The following TMIE variants were observed in gnomAD, a reference collection of about 807,000 sequenced individuals.
TMIE encodes transmembrane inner ear.
TMIE carries 14 observed loss-of-function variants against 16.8 expected under a neutral mutation model. The observed-to-expected ratio is 0.83, with a 90% CI of 0.55 to 1.30. The LOEUF (loss-of-function observed/expected upper bound fraction) is 1.30, where lower values mean the gene tolerates loss of function less well. TMIE is among the 50% of genes most tolerant of loss of function. The pLI is 0.00. For missense variants in TMIE, 204 were observed against 205.9 expected (o/e 0.99, Z 0.06); for synonymous variants, 75 against 87.2 (o/e 0.86, Z 0.78).
intron 3 of TMIE, 104 bp downstream of exon 3, chr3:46,709,379 G>A (rs763659531): frequency 1.2e-6 from 2 of 1,603,954 alleles, no homozygotes; most frequent in South Asian, 1.1e-5. Context: ...GTTCAGGGAG[G>A]GGCCCCAGCC....
At chr3:46,694,650 T>TC (rs1700358591) in intron 1 of TMIE, 1 of 152,244 alleles carries the variant, frequency 6.6e-6, no homozygotes, top group African/African-American at 2.4e-5. Context: ...GCCAAGCTCA[T>TC]CCCCTGGCTC....
chr3:46,696,844 G>T (rs1454236331), upstream of TMIE, among the ~76,000 whole-genome samples: 1 of 152,182 alleles, frequency 6.6e-6, no homozygotes, highest in Non-Finnish European at 1.5e-5. Flanking sequence ...ATGTATGGAG[G>T]GGACACTGTC....
rs1266269754 is a variant in TMIE, at chr3:46,701,692, T to C, written c.93+112T>C. The C allele has an allele frequency of 2.3e-6, 2 of 886,766 alleles. No homozygotes were observed. The highest frequency in any genetic ancestry group is 1.5e-6 in the Non-Finnish European group (1 of 670,000). The allele number at this position is 886,766 out of a possible 1,614,324, so 54.9% of individuals were successfully genotyped here. On this transcript the variant is annotated intron_variant, in intron 1 of 3. Transcript: ENST00000643606. The surrounding 1 kb of genome is among the most constrained non-coding windows in gnomAD (Gnocchi z 4.3). ...CTTGTTTGATCCCTTACTCTTGCCC[T>C]GAGAGATCCAGTCTCCCGGGCGATG...
rs1199091732 is a variant in TMIE at position 46,701,831 on chromosome 3, G to A, written c.93+251G>A. 6.6e-6 allele frequency among the ~76,000 whole-genome samples: 1 copy of A among 152,118 alleles called. No individual in the cohort carries two copies. Among genetic ancestry groups the A allele is most frequent in the East Asian group, 1.9e-4 (1 of 5,182 alleles). ...TTTCTGGAACATTAGTCTGACGGGG[G>A]AGACTCACCTTGACCTTAGGGATTC... On this transcript the variant is annotated intron_variant, in intron 1 of 3. Coordinates refer to ENST00000643606, the MANE Select transcript of TMIE (RefSeq NM_147196.3). The surrounding 1 kb of genome is among the most constrained non-coding windows in gnomAD (Gnocchi z 4.3).
At chr3:46,703,687 A>C (rs1001380427) in intron 1 of TMIE, among the ~76,000 whole-genome samples, 1 of 152,194 alleles carries the variant, frequency 6.6e-6, no homozygotes, top group African/African-American at 2.4e-5. Flanking sequence ...TACCAATCCC[A>C]GCCCACAGAT....
At chr3:46,704,505 TGTC>T (rs1700522293) in intron 1 of TMIE, among the ~76,000 whole-genome samples, 1 of 109,958 alleles carries the variant, frequency 9.1e-6, no homozygotes, top group Admixed American at 9.5e-5. Flanking sequence ...GGCAGGACCG[TGTC>T]CCCTAGACGC....
At chr3:46,703,632 G>C (rs1700505187) in intron 1 of TMIE, among the ~76,000 whole-genome samples, 1 of 152,150 alleles carries the variant, frequency 6.6e-6, no homozygotes, top group Admixed American at 6.5e-5. Context: ...GTGTCTTCTT[G>C]TCAATAGCTC....
At chr3:46,701,038 C>G (rs572532387), upstream of TMIE, among the ~76,000 whole-genome samples, 77 of 151,934 alleles carry the variant, frequency 5.1e-4, no homozygotes, top group Middle Eastern at 3.4e-3. The surrounding 1 kb of genome is among the most constrained non-coding windows in gnomAD (Gnocchi z 4.3). Context: ...TCTGCCCCCC[C>G]CCCAAACTCA....
In TMIE at chr3:46,705,818, C is replaced by T. The variant is rs199890509; in HGVS notation, c.122C>T (p.Pro41Leu). Residue 41 changes from proline (P) to leucine (L), a missense_variant, in exon 2 of 4, where the codon CCG becomes CTG. Pro to Leu is a moderately conservative substitution (Grantham distance 98, BLOSUM62 -3). Coordinates refer to ENST00000643606, the MANE Select transcript of TMIE (RefSeq NM_147196.3). Reference protein sequence around the residue: ...EPSTAPPKPKPPPLTKETVVF... With the variant: ...EPSTAPPKPKLPPLTKETVVF... ...AGCACGGCCCCACCCAAGCCCAAGC[C>T]GCCTCCGCTGACCAAGGAGACAGTG... 24 of 1,614,102 alleles carry T rather than the reference C, an allele frequency of 1.5e-5. No homozygotes were observed. The highest frequency in any genetic ancestry group is 3.3e-4 in the Middle Eastern group (2 of 6,062).
At chr3:46,699,091 CAG>C (rs1369073556), upstream of TMIE, among the ~76,000 whole-genome samples, 1 of 79,012 alleles carries the variant, frequency 1.3e-5, no homozygotes, top group African/African-American at 4.4e-5. Flanking sequence ...TTTTTTGAGA[CAG>C]AGTTTCGCTC....
chr3:46,702,287 G>T (rs1700486561), intron 1 of TMIE, among the ~76,000 whole-genome samples: 1 of 152,168 alleles, frequency 6.6e-6, no homozygotes, highest in Non-Finnish European at 1.5e-5. Context: ...TGGTTTGGAA[G>T]GAGGGTAAAT....
intron 1 of TMIE, among the ~76,000 whole-genome samples, chr3:46,703,943 C>A (rs1700509317): frequency 6.6e-6 from 1 of 152,138 alleles, no homozygotes; most frequent in South Asian, 2.1e-4. Flanking sequence ...CTCATATGCC[C>A]CAGGGTTCTC....
chr3:46,695,665 C>T (rs1053597466), intron 1 of TMIE, among the ~76,000 whole-genome samples: 7 of 152,172 alleles, frequency 4.6e-5, no homozygotes, highest in African/African-American at 1.4e-4. Context: ...CAGATCTGAT[C>T]TTATGCTAGG....
rs28942096 is a variant in TMIE at position 46,709,155 on chromosome 3, C to T, written c.241C>T (p.Arg81Cys). 5.6e-6 allele frequency: 9 copies of T among 1,613,998 alleles called. No homozygotes were observed. Among genetic ancestry groups the T allele is most frequent in the South Asian group, 5.5e-5 (5 of 91,082 alleles). ...CACGCTGTGCTGTGTCTTCAACTGT[C>T]GTGTGCCACGGACCCGGAAGGAGAT... ...IITLCCVFNCRVPRTRKEIEA... is the reference protein window; with the variant it reads ...IITLCCVFNCCVPRTRKEIEA... The change falls in exon 3 of 4, where the codon CGT (arginine) becomes TGT (cysteine). Residue 81 changes from arginine to cysteine, a missense_variant. Transcript: ENST00000643606.
At chr3:46,699,954 C>T (rs893857015), upstream of TMIE, among the ~76,000 whole-genome samples, 3 of 152,242 alleles carry the variant, frequency 2.0e-5, no homozygotes, top group African/African-American at 7.2e-5. Context: ...GCATTACTGA[C>T]AGGCTCACTT....
chr3:46,701,923 C>T lies in TMIE; in HGVS notation c.93+343C>T, dbSNP rs1271914093. 6.6e-6 allele frequency among the ~76,000 whole-genome samples: 1 copy of T among 152,118 alleles called. No individual in the cohort carries two copies. The highest frequency in any genetic ancestry group is 1.5e-5 in the Non-Finnish European group (1 of 68,028). ...GGATACTGGGCCCCCATCCTCCAGCCTTTGGTCTCACTGGCAGGGAGGTGC... is the reference window on the plus strand; with the variant it reads ...GGATACTGGGCCCCCATCCTCCAGCTTTTGGTCTCACTGGCAGGGAGGTGC... On this transcript the variant is annotated intron_variant, in intron 1 of 3. Transcript: ENST00000643606. This position sits in a 1 kb window ranked among gnomAD's most constrained non-coding sequence, Gnocchi z 4.3.
At chr3:46,706,793 C>T (rs1435474484) in intron 2 of TMIE, among the ~76,000 whole-genome samples, 1 of 152,166 alleles carries the variant, frequency 6.6e-6, no homozygotes, top group Non-Finnish European at 1.5e-5. Flanking sequence ...GGAAATGCAG[C>T]CTCACGCAGG....
intron 2 of TMIE, among the ~76,000 whole-genome samples, chr3:46,707,810 G>T (rs1312436981): frequency 1.3e-5 from 2 of 152,224 alleles, no homozygotes; most frequent in African/African-American, 4.8e-5. Context: ...GGACCAGCCT[G>T]CATGGAGCCT....
intron 1 of TMIE, among the ~76,000 whole-genome samples, chr3:46,695,571 G>A (rs1402708246): frequency 6.6e-5 from 10 of 152,204 alleles, no homozygotes. Context: ...GCAAGGGCTG[G>A]AGAGTGGCCA....
Sources: gnomAD v4.1 joint callset for allele counts (sites outside exome capture counted in the v4.1 genomes callset) on GRCh38, gnomAD v4.1.1 for gene constraint, Gnocchi (gnomAD v3.1) non-coding constraint, MANE v1.5 for transcripts, NCBI Gene and HGNC (gene_info 2026-07-23, HGNC 2026-07-21) for gene names.